ROBO2: variants seen among roughly 807,000 people sequenced by gnomAD.
ROBO2 encodes the protein roundabout homolog 2.
A neutral mutation model predicts 160.8 loss-of-function variants in ROBO2; 53 were observed. That is an observed-to-expected ratio of 0.33 (90% confidence interval 0.26 to 0.41). The LOEUF is 0.41. Ranked by LOEUF, ROBO2 falls within the 10% of genes least tolerant of loss-of-function variation. The pLI, the probability that ROBO2 is intolerant of heterozygous loss-of-function variation, is 1.00. For synonymous variants in ROBO2, 664 were observed against 611.7 expected, an observed-to-expected ratio of 1.09 and a Z score of -1.26; for missense variants, 1,577 against 1,722.4, an observed-to-expected ratio of 0.92 and a Z score of 1.49.
At chr3:77,543,973 C>A (rs2092592372) in intron 6 of ROBO2, among the ~76,000 whole-genome samples, 1 of 152,132 alleles carries the variant, frequency 6.6e-6, no homozygotes, top group Non-Finnish European at 1.5e-5. Flanking sequence ...ACACTCCTCA[C>A]TTGGCAAGTG....
At chr3:76,536,116 G>A (rs2082486859) in intron 2 of ROBO2, among the ~76,000 whole-genome samples, 1 of 152,172 alleles carries the variant, frequency 6.6e-6, no homozygotes, top group Non-Finnish European at 1.5e-5. Context: ...TTGAGGCAAG[G>A]TCCTGGGAGA....
chr3:77,504,435 A>G (rs1230605480), intron 5 of ROBO2, among the ~76,000 whole-genome samples: 1 of 151,508 alleles, frequency 6.6e-6, no homozygotes, highest in Non-Finnish European at 1.5e-5. Flanking sequence ...AAAAATGTTC[A>G]ATTAAACCCA....
chr3:77,209,288 A>C (rs1333195687), intron 2 of ROBO2, among the ~76,000 whole-genome samples: 1 of 152,164 alleles, frequency 6.6e-6, no homozygotes, highest in African/African-American at 2.4e-5. Flanking sequence ...TAATCAAAAA[A>C]CATCTCTGTT....
chr3:75,993,123 G>A (rs2107522638), intron 2 of ROBO2, among the ~76,000 whole-genome samples: 1 of 152,270 alleles, frequency 6.6e-6, no homozygotes, highest in Non-Finnish European at 1.5e-5. Flanking sequence ...TTGGGGGACT[G>A]TTGGGAAGGC....
rs934890455 is a variant in ROBO2 at position 77,480,947 on chromosome 3, A to G, written c.547-152A>G. The G allele has an allele frequency of 1.1e-5, 7 of 650,700 alleles. No homozygotes were observed. The African/African-American group carries it at 1.3e-4, about 12-fold the overall frequency. The allele number at this position is 650,700 out of a possible 1,614,324, so 40.3% of individuals were successfully genotyped here. ...ACATTGAGGGTGAATTTAAGAAAAG[A>G]AAACATACCTGCAAATGCCAAAATA... On this transcript the variant is annotated intron_variant, in intron 3 of 25. Transcript: ENST00000461745.
intron 2 of ROBO2, among the ~76,000 whole-genome samples, chr3:75,946,329 T>C (rs549419847): frequency 1.3e-5 from 2 of 151,350 alleles, no homozygotes; most frequent in African/African-American, 4.8e-5. Context: ...ATACATGTAG[T>C]CAATAAGTCA....
intron 2 of ROBO2, among the ~76,000 whole-genome samples, chr3:76,696,462 C>T (rs2092930312): frequency 6.6e-6 from 1 of 151,732 alleles, no homozygotes; most frequent in South Asian, 2.1e-4. Flanking sequence ...AAGGGGGTTG[C>T]CATTGCTGGC....
chr3:76,204,746 T>C (rs527298236), intron 2 of ROBO2, among the ~76,000 whole-genome samples: 1 of 152,166 alleles, frequency 6.6e-6, no homozygotes, highest in Non-Finnish European at 1.5e-5. Context: ...CATATCACAA[T>C]CTGAGTTCAT....
At chr3:76,918,474 C>T (rs148620970) in intron 2 of ROBO2, among the ~76,000 whole-genome samples, 77 of 152,168 alleles carry the variant, frequency 5.1e-4, no homozygotes, top group African/African-American at 1.8e-3. Flanking sequence ...TGAGAACAGA[C>T]TAATACAATA....
At chr3:77,585,964 G>T (rs2094036335) in intron 16 of ROBO2, among the ~76,000 whole-genome samples, 2 of 152,006 alleles carry the variant, frequency 1.3e-5, no homozygotes, top group South Asian at 2.1e-4. Flanking sequence ...GTAATTTATG[G>T]TTGAGAATTT....
intron 2 of ROBO2, among the ~76,000 whole-genome samples, chr3:77,411,959 A>C (rs2153522757): frequency 6.6e-6 from 1 of 152,270 alleles, no homozygotes; most frequent in African/African-American, 2.4e-5. Context: ...CCCTCTTTTA[A>C]ATTTCCATTT....
intron 19 of ROBO2, among the ~76,000 whole-genome samples, chr3:77,600,940 T>C (rs2094417699): frequency 6.6e-6 from 1 of 152,178 alleles, no homozygotes; most frequent in Admixed American, 6.5e-5. Flanking sequence ...ACTTCACTGA[T>C]ACACATTTAA....
intron 1 of ROBO2, among the ~76,000 whole-genome samples, chr3:75,920,043 C>T (rs533832931): frequency 6.6e-6 from 1 of 152,170 alleles, no homozygotes; most frequent in Admixed American, 6.5e-5. Context: ...CCATTCAGTT[C>T]TGCTGTGATC....
chr3:77,277,132 C>T (rs2059884138), intron 2 of ROBO2, among the ~76,000 whole-genome samples: 11 of 150,448 alleles, frequency 7.3e-5, no homozygotes, highest in African/African-American at 2.4e-4. Context: ...TTCCTTCCTT[C>T]CTTTCTTCCT....
intron 2 of ROBO2, among the ~76,000 whole-genome samples, chr3:76,442,700 C>T (rs2076982211): frequency 6.6e-6 from 1 of 152,186 alleles, no homozygotes; most frequent in Non-Finnish European, 1.5e-5. Flanking sequence ...TCTTCCCACT[C>T]CATTCTGCCC....
intron 1 of ROBO2, among the ~76,000 whole-genome samples, chr3:77,086,141 A>G (rs1396604290): frequency 6.6e-6 from 1 of 152,080 alleles, no homozygotes; most frequent in Non-Finnish European, 1.5e-5. Flanking sequence ...TTGCTTTAAA[A>G]AGGCCGTTAT....
At chr3:76,365,760 C>T (rs1328334140) in intron 2 of ROBO2, among the ~76,000 whole-genome samples, 1 of 151,992 alleles carries the variant, frequency 6.6e-6, no homozygotes, top group African/African-American at 2.4e-5. Flanking sequence ...CTGGATTTGT[C>T]TCATTTTCTT....
intron 2 of ROBO2, among the ~76,000 whole-genome samples, chr3:77,329,073 C>T (rs1219298404): frequency 1.3e-5 from 2 of 152,170 alleles, no homozygotes; most frequent in Non-Finnish European, 2.9e-5. Flanking sequence ...CCCTAAAACC[C>T]ACATGCTAAT....
chr3:77,616,831 A>G (rs931718313), intron 21 of ROBO2, among the ~76,000 whole-genome samples: 3 of 152,202 alleles, frequency 2.0e-5, no homozygotes, highest in Non-Finnish European at 2.9e-5. Context: ...GTCATATTTT[A>G]TACTCAAAAT....
Sources: allele counts gnomAD v4.1 joint callset (sites outside exome capture counted in the v4.1 genomes callset), GRCh38; gene constraint gnomAD v4.1.1; transcripts MANE v1.5; gene names NCBI Gene and HGNC (gene_info 2026-07-23, HGNC 2026-07-21).